SASH1: variants seen among roughly 807,000 people sequenced by gnomAD.
SASH1 encodes the protein SAM and SH3 domain containing 1, also known as SAM and SH3 domain-containing protein 1.
A neutral mutation model predicts 125.2 loss-of-function variants in SASH1; 44 were observed. The ratio of observed to expected loss-of-function variants is 0.35; its 90% CI spans 0.28 to 0.45. The LOEUF is 0.45. Among genes scored for constraint, SASH1 ranks in the 20% least tolerant of loss-of-function variants. The probability of loss-of-function intolerance (pLI) is 1.00; values close to 1 mark genes in which losing one functional copy is unlikely to be tolerated. For synonymous variants in SASH1, 639 were observed against 649.1 expected (o/e 0.98, Z 0.24); for missense variants, 1,426 against 1,614.5 (o/e 0.88, Z 2.00).
At chr6:148,543,547 T>G in intron 17 of SASH1, 133 bp from the exon 18 acceptor site, 4 of 677,020 alleles carry the variant, frequency 5.9e-6, no homozygotes, top group Non-Finnish European at 9.4e-6. Context: ...TAAATGGTGA[T>G]TTTATGTTTT....
the SASH1 span, among the ~76,000 whole-genome samples, chr6:148,254,195 G>A: frequency 1.3e-5 from 2 of 151,328 alleles, no homozygotes; most frequent in African/African-American, 4.9e-5. Context: ...CTACAAGCAT[G>A]AAACTCTGTC....
intron 2 of SASH1, among the ~76,000 whole-genome samples, chr6:148,429,161 C>A (rs1196090315): frequency 6.6e-6 from 1 of 151,886 alleles, no homozygotes; most frequent in Non-Finnish European, 1.5e-5. Flanking sequence ...ACTCTGCAAT[C>A]CAAAAGTAAA....
intron 1 of SASH1, among the ~76,000 whole-genome samples, chr6:148,281,522 G>A (rs1357001903): frequency 6.6e-6 from 1 of 152,196 alleles, no homozygotes; most frequent in Non-Finnish European, 1.5e-5. Context: ...AAATGGGACC[G>A]ACTCATGAGC....
At chr6:148,258,559 G>A in the SASH1 span, among the ~76,000 whole-genome samples, 1 of 152,116 alleles carries the variant, frequency 6.6e-6, no homozygotes, top group African/African-American at 2.4e-5. Flanking sequence ...ACTCACACAG[G>A]AATGTTCTGA....
At chr6:148,445,759 G>C (rs540515567) in intron 4 of SASH1, among the ~76,000 whole-genome samples, 10 of 152,300 alleles carry the variant, frequency 6.6e-5, no homozygotes, top group Non-Finnish European at 1.3e-4. Flanking sequence ...GTGCTTTGCA[G>C]AGCTTTCCTA....
chr6:148,206,832 A>C, the SASH1 span, among the ~76,000 whole-genome samples: 1,324 of 84,604 alleles, frequency 0.016, 20 homozygotes, highest in African/African-American at 0.066. Flanking sequence ...CACACACACA[A>C]ATTAACATAA....
intron 11 of SASH1, among the ~76,000 whole-genome samples, chr6:148,525,636 A>G (rs1218633447): frequency 1.3e-5 from 2 of 152,212 alleles, no homozygotes; most frequent in Non-Finnish European, 2.9e-5. Context: ...TAACAAATCC[A>G]GATAAGTCTG....
chr6:148,440,650 C>A, intron 4 of SASH1: 1 of 509,554 alleles, frequency 2.0e-6, no homozygotes, highest in Non-Finnish European at 3.4e-6. Flanking sequence ...GTGAATAAAC[C>A]CTAAATAAAT....
intron 4 of SASH1, among the ~76,000 whole-genome samples, chr6:148,461,731 A>C (rs1777619442): frequency 6.6e-6 from 1 of 152,226 alleles, no homozygotes; most frequent in African/African-American, 2.4e-5. Context: ...ACTAGTGGAT[A>C]GTATGAATTG....
chr6:148,527,490 A>C lies in SASH1; in HGVS notation c.1322A>C (p.Lys441Thr), dbSNP rs755320447. 5 of 1,609,208 alleles carry C rather than the reference A, an allele frequency of 3.1e-6. No individual in the cohort carries two copies. Among genetic ancestry groups the C allele is most frequent in the Non-Finnish European group, 4.2e-6 (5 of 1,178,598 alleles). The change falls in exon 12 of 20, where the codon AAA becomes ACA. Residue 441 changes from lysine (K) to threonine (T), a missense_variant. Physicochemically the swap from Lys to Thr is moderately conservative, Grantham distance 78. Coordinates refer to ENST00000367467, the MANE Select transcript of SASH1 (RefSeq NM_015278.5). ...GACTTTGTGTACAAAGAAGTCATCA[A>C]ATCACCTACTGCCTCTCGCATCTCT... The part of the protein sequence containing the change: ...EGDFVYKEVI[K>T]SPTASRISLG...
At chr6:148,435,264 GC>G (rs1760765965) in intron 2 of SASH1, among the ~76,000 whole-genome samples, 1 of 151,690 alleles carries the variant, frequency 6.6e-6, no homozygotes, top group Non-Finnish European at 1.5e-5. Context: ...TGTAATCCCA[GC>G]TGCTTGAGAG....
At chr6:148,233,742 C>CAAAAAAAAAAAAAAAAAAAAAAAAAAAA in the SASH1 span, among the ~76,000 whole-genome samples, 86 of 60,518 alleles carry the variant, frequency 1.4e-3, 10 homozygotes, top group Admixed American at 4.5e-3. Context: ...TTCCTCTCTA[C>CAAAAAAAAAAAAAAAAAAAAAAAAAAAA]AAAAAAAAAA....
chr6:148,519,758 G>A lies in SASH1; in HGVS notation c.1074G>A (p.Glu358=). 1.2e-6 allele frequency: 2 copies of A among 1,614,096 alleles called. No homozygotes were observed. The highest frequency in any genetic ancestry group is 2.2e-5 in the East Asian group (1 of 44,870). ...TGGTCAAAACCTTCAGCAAAGGAGA[G>A]AGCCGGGGCCTGATTAAGCCCCCCA... is the stretch of plus-strand genomic sequence containing the variant. The part of the protein sequence containing the change: ...RKLVKTFSKG[E]SRGLIKPPKK... Residue 358 remains glutamate, a synonymous_variant, in exon 10 of 20, where the codon GAG becomes GAA. Coordinates refer to ENST00000367467, the MANE Select transcript of SASH1 (RefSeq NM_015278.5). This position sits in a 1 kb window ranked among gnomAD's most constrained non-coding sequence, Gnocchi z 4.8.
At chr6:148,393,961 C>T (rs1314682161) in intron 2 of SASH1, among the ~76,000 whole-genome samples, 2 of 145,880 alleles carry the variant, frequency 1.4e-5, no homozygotes, top group East Asian at 2.0e-4. Context: ...GTCATGGTCT[C>T]GGCTCACTGC....
intron 1 of SASH1, among the ~76,000 whole-genome samples, chr6:148,334,980 A>C (rs1273251271): frequency 1.5e-4 from 22 of 149,686 alleles, no homozygotes; most frequent in Admixed American, 1.5e-3. Context: ...TCTCAAAAAA[A>C]AAAAAAAAAG....
chr6:148,358,739 T>TTTTTG (rs1782057154), intron 1 of SASH1, among the ~76,000 whole-genome samples: 1 of 139,522 alleles, frequency 7.2e-6, no homozygotes, highest in Non-Finnish European at 1.6e-5. Flanking sequence ...TTTTGTTTTT[T>TTTTTG]TTTTTTTTTT....
chr6:148,264,025 A>G, the SASH1 span, among the ~76,000 whole-genome samples: 1 of 152,280 alleles, frequency 6.6e-6, no homozygotes, highest in South Asian at 2.1e-4. Flanking sequence ...AAAACCAGCA[A>G]GCAAAGAGCC....
intron 4 of SASH1, among the ~76,000 whole-genome samples, chr6:148,447,382 C>T (rs909414814): frequency 6.6e-6 from 1 of 152,204 alleles, no homozygotes; most frequent in African/African-American, 2.4e-5. Context: ...ACTTACTCTC[C>T]TTGGACAATG....
chr6:148,264,185 A>C, the SASH1 span, among the ~76,000 whole-genome samples: 2 of 151,730 alleles, frequency 1.3e-5, no homozygotes, highest in South Asian at 4.2e-4. Flanking sequence ...CCGAAAAAAA[A>C]AAAAAAAAAA....
Sources: allele counts gnomAD v4.1 joint callset (sites outside exome capture counted in the v4.1 genomes callset), GRCh38; gene constraint gnomAD v4.1.1; non-coding constraint Gnocchi (gnomAD v3.1); transcripts MANE v1.5; gene names NCBI Gene and HGNC (gene_info 2026-07-23, HGNC 2026-07-21).